Variants in LRRC4C observed in about 807,000 individuals in gnomAD.
LRRC4C encodes the protein leucine rich repeat containing 4C.
In LRRC4C, 5 loss-of-function variants were observed where a neutral mutation model predicts 33.6. That is an observed-to-expected ratio of 0.15 (90% CI 0.08 to 0.31). LRRC4C has a LOEUF of 0.31. Ranked by LOEUF, LRRC4C falls within the 10% of genes least tolerant of loss-of-function variation. The pLI is 1.00. For synonymous variants in LRRC4C, 329 were observed against 302.0 expected (o/e 1.09, Z -0.93); for missense variants, 560 against 796.7 (o/e 0.70, Z 3.58).
chr11:40,451,366 CTTTTTTTTTTTTTTTTTTTTTTTT>C (rs71060962), intron 3 of LRRC4C, among the ~76,000 whole-genome samples: 2 of 47,058 alleles, frequency 4.3e-5, no homozygotes, highest in South Asian at 1.1e-3. Flanking sequence ...GAAATAATGA[CTTTTTTTTTTTTTTTTTTTTTTTT>C]TTTTTTTTTT....
chr11:41,425,075 A>G (rs1391387172), intron 1 of LRRC4C, among the ~76,000 whole-genome samples: 1 of 152,082 alleles, frequency 6.6e-6, no homozygotes, highest in African/African-American at 2.4e-5. Flanking sequence ...TGGCTGTTTC[A>G]GGTTATGTTT....
intron 1 of LRRC4C, among the ~76,000 whole-genome samples, chr11:41,375,727 T>A (rs564675663): frequency 1.3e-5 from 2 of 152,244 alleles, no homozygotes; most frequent in South Asian, 4.1e-4. Flanking sequence ...ATAGCTATCA[T>A]GGCAGAGAAG....
intron 2 of LRRC4C, among the ~76,000 whole-genome samples, chr11:40,883,486 G>T (rs1310822668): frequency 2.0e-5 from 3 of 151,952 alleles, no homozygotes; most frequent in African/African-American, 7.2e-5. Flanking sequence ...TAATATAAAT[G>T]CTTTAATATA....
intron 1 of LRRC4C, among the ~76,000 whole-genome samples, chr11:41,083,756 C>T (rs946789510): frequency 6.6e-6 from 1 of 152,158 alleles, no homozygotes; most frequent in Non-Finnish European, 1.5e-5. Flanking sequence ...AGATAATGTA[C>T]ATATTACTCT....
chr11:41,136,625 T>A lies in LRRC4C; in HGVS notation c.-495-202902A>T, dbSNP rs192462928. On this transcript the variant is annotated intron_variant, in intron 1 of 6. Coordinates refer to ENST00000528697, the MANE Select transcript of LRRC4C (RefSeq NM_001258419.2). ...AATGAAAAGATAACTAATTTGAGGA[T>A]CTTGGCCTAGAGTCCTTTCCCACCC... Among the ~76,000 whole-genome samples the A allele has an allele frequency of 1.6e-3, 241 of 152,286 alleles. 2 individuals carry two copies. The highest frequency in any genetic ancestry group is 5.5e-3 in the African/African-American group (228 of 41,550).
At chr11:41,378,327 T>C (rs1458662898) in intron 1 of LRRC4C, among the ~76,000 whole-genome samples, 1 of 152,172 alleles carries the variant, frequency 6.6e-6, no homozygotes, top group Non-Finnish European at 1.5e-5. Flanking sequence ...TAAATTATTT[T>C]ATTTCCATTT....
chr11:41,455,142 C>T (rs1441416755), intron 1 of LRRC4C, among the ~76,000 whole-genome samples: 1 of 152,032 alleles, frequency 6.6e-6, no homozygotes, highest in Non-Finnish European at 1.5e-5. Context: ...TCTATCTCTC[C>T]ACCAAATGCA....
chr11:41,440,561 T>C (rs1955584456), intron 1 of LRRC4C, among the ~76,000 whole-genome samples: 1 of 152,036 alleles, frequency 6.6e-6, no homozygotes, highest in Non-Finnish European at 1.5e-5. Context: ...TAAAAAAAAG[T>C]ATAGTCTAAT....
chr11:40,199,246 G>A (rs887461908), intron 5 of LRRC4C, among the ~76,000 whole-genome samples: 1 of 151,872 alleles, frequency 6.6e-6, no homozygotes, highest in African/African-American at 2.4e-5. Flanking sequence ...GATTTTTGTA[G>A]TTTTTGTAGA....
intron 5 of LRRC4C, among the ~76,000 whole-genome samples, chr11:40,143,713 C>T (rs1004895649): frequency 2.6e-5 from 4 of 152,174 alleles, no homozygotes. Context: ...CATCCTTGTT[C>T]TCATAATTCT....
intron 2 of LRRC4C, among the ~76,000 whole-genome samples, chr11:40,657,381 G>T (rs1177022177): frequency 6.6e-6 from 1 of 152,190 alleles, no homozygotes; most frequent in African/African-American, 2.4e-5. Context: ...TTCAAACAGA[G>T]CCATGTTCTC....
chr11:41,413,301 C>T (rs940909186), intron 1 of LRRC4C, among the ~76,000 whole-genome samples: 1 of 152,110 alleles, frequency 6.6e-6, no homozygotes, highest in Non-Finnish European at 1.5e-5. Flanking sequence ...ACTGAAACCA[C>T]CATGTGGTTT....
intron 1 of LRRC4C, among the ~76,000 whole-genome samples, chr11:41,055,118 G>C (rs1051608773): frequency 3.3e-5 from 5 of 152,076 alleles, no homozygotes; most frequent in African/African-American, 1.2e-4. Context: ...CTTTTCCTCA[G>C]AGGTTATCAT....
intron 1 of LRRC4C, among the ~76,000 whole-genome samples, chr11:41,361,483 T>G (rs994323383): frequency 6.6e-6 from 1 of 152,196 alleles, no homozygotes; most frequent in South Asian, 2.1e-4. Flanking sequence ...TGTCTTGAAG[T>G]TGAGCATCTA....
intron 2 of LRRC4C, among the ~76,000 whole-genome samples, chr11:40,789,499 T>C (rs1256043674): frequency 6.7e-6 from 1 of 150,198 alleles, no homozygotes; most frequent in African/African-American, 2.5e-5. Context: ...ATCTTTCTTC[T>C]CTCTCTCTCT....
intron 1 of LRRC4C, among the ~76,000 whole-genome samples, chr11:41,368,629 A>G (rs1445894321): frequency 6.6e-6 from 1 of 152,236 alleles, no homozygotes; most frequent in Non-Finnish European, 1.5e-5. Context: ...ACCAACCATC[A>G]CACATGGCTC....
At chr11:40,600,240 T>G (rs1328142826) in intron 3 of LRRC4C, among the ~76,000 whole-genome samples, 2 of 152,228 alleles carry the variant, frequency 1.3e-5, no homozygotes, top group African/African-American at 4.8e-5. Flanking sequence ...TTCCAGATAC[T>G]ATGCTAAATC....
intron 2 of LRRC4C, among the ~76,000 whole-genome samples, chr11:40,845,441 T>C (rs1292327609): frequency 2.0e-5 from 3 of 152,214 alleles, no homozygotes; most frequent in African/African-American, 7.2e-5. Context: ...GTTGGTTTTC[T>C]GTTCCTGTGT....
intron 1 of LRRC4C, among the ~76,000 whole-genome samples, chr11:41,098,272 C>A (rs189535881): frequency 5.9e-5 from 9 of 152,098 alleles, no homozygotes; most frequent in African/African-American, 1.2e-4. Flanking sequence ...AAAATCACTG[C>A]GGCCACACTG....
Sources: gnomAD v4.1 joint callset for allele counts (sites outside exome capture counted in the v4.1 genomes callset) on GRCh38, gnomAD v4.1.1 for gene constraint, MANE v1.5 for transcripts, NCBI Gene and HGNC (gene_info 2026-07-23, HGNC 2026-07-21) for gene names.